Variants in KIAA1549L observed in about 807,000 individuals in gnomAD.
KIAA1549L encodes KIAA1549 like.
In KIAA1549L, 88 loss-of-function variants were observed where a neutral mutation model predicts 160.7. That is an observed-to-expected ratio of 0.55 (90% CI 0.46 to 0.65). The LOEUF (loss-of-function observed/expected upper bound fraction) is 0.65, where lower values mean the gene tolerates loss of function less well. Among genes scored for constraint, KIAA1549L ranks in the 30% least tolerant of loss-of-function variants. The pLI is 0.00. For missense variants in KIAA1549L, 2,258 were observed against 2,437.5 expected (o/e 0.93, Z 1.55); for synonymous variants, 950 against 976.7 (o/e 0.97, Z 0.51).
chr11:33,472,483 A>G (rs952432256), intron 1 of KIAA1549L, among the ~76,000 whole-genome samples: 2 of 152,024 alleles, frequency 1.3e-5, no homozygotes, highest in African/African-American at 4.8e-5. Flanking sequence ...AACAAAACCT[A>G]GCCATATGGC....
chr11:33,657,674 A>G (rs1268345353), intron 18 of KIAA1549L, among the ~76,000 whole-genome samples: 1 of 152,128 alleles, frequency 6.6e-6, no homozygotes, highest in Non-Finnish European at 1.5e-5. Context: ...GCATGCACCT[A>G]TAATCCCGGC....
At chr11:33,556,470 T>C (rs1854651610) in intron 6 of KIAA1549L, among the ~76,000 whole-genome samples, 1 of 152,240 alleles carries the variant, frequency 6.6e-6, no homozygotes. Flanking sequence ...GGAATATTAT[T>C]CAGCCTTTAA....
chr11:33,594,110 C>T (rs530640167), intron 12 of KIAA1549L, among the ~76,000 whole-genome samples: 5 of 151,970 alleles, frequency 3.3e-5, no homozygotes, highest in Admixed American at 2.6e-4. Flanking sequence ...AAGGAGGGAT[C>T]GTCTGTATCA....
intron 19 of KIAA1549L, 54 bp from the exon 20 acceptor site, chr11:33,660,809 G>A: frequency 6.3e-7 from 1 of 1,574,886 alleles, no homozygotes; most frequent in Non-Finnish European, 8.7e-7. Flanking sequence ...TTGGGTGGCT[G>A]GATCCCTCAG....
At chr11:33,624,742 T>A (rs1052497964) in intron 16 of KIAA1549L, among the ~76,000 whole-genome samples, 1 of 151,034 alleles carries the variant, frequency 6.6e-6, no homozygotes, top group African/African-American at 2.5e-5. Context: ...CTTTTTTTTT[T>A]TTTTAATTTT....
chr11:33,382,180 T>C (rs558154798), intron 1 of KIAA1549L, among the ~76,000 whole-genome samples: 68 of 152,042 alleles, frequency 4.5e-4, no homozygotes, highest in Non-Finnish European at 8.2e-4. Flanking sequence ...ACTGCAGCAT[T>C]CAGGGGTTCA....
chr11:33,495,114 TA>T (rs1402540619), intron 1 of KIAA1549L, among the ~76,000 whole-genome samples: 1 of 152,008 alleles, frequency 6.6e-6, no homozygotes, highest in African/African-American at 2.4e-5. Flanking sequence ...TTAATGTTTG[TA>T]TTTTTTTATT....
chr11:33,452,472 G>T (rs1190062351), intron 1 of KIAA1549L, among the ~76,000 whole-genome samples: 1 of 152,162 alleles, frequency 6.6e-6, no homozygotes, highest in East Asian at 1.9e-4. Flanking sequence ...GCCAGGCGTA[G>T]TGGCGGGCAG....
At chr11:33,541,172 T>C (rs919229236) in intron 1 of KIAA1549L, among the ~76,000 whole-genome samples, 6 of 152,186 alleles carry the variant, frequency 3.9e-5, no homozygotes, top group African/African-American at 9.7e-5. Flanking sequence ...CAGGTGCTTA[T>C]AGTGACACCA....
At chr11:33,454,916 C>T (rs946531327) in intron 1 of KIAA1549L, among the ~76,000 whole-genome samples, 1 of 151,890 alleles carries the variant, frequency 6.6e-6, no homozygotes, top group African/African-American at 2.4e-5. Flanking sequence ...GGTGAAACCC[C>T]GTCTCTACTA....
intron 8 of KIAA1549L, among the ~76,000 whole-genome samples, chr11:33,565,217 G>A (rs140288704): frequency 3.0e-4 from 45 of 152,258 alleles, no homozygotes; most frequent in Non-Finnish European, 5.4e-4. Flanking sequence ...GGGCTAGGGA[G>A]CCTGAGCCTG....
At chr11:33,553,840 TAAG>T (rs939696958) in intron 6 of KIAA1549L, among the ~76,000 whole-genome samples, 12 of 152,200 alleles carry the variant, frequency 7.9e-5, no homozygotes, top group African/African-American at 2.9e-4. Flanking sequence ...CCCTTGGCCT[TAAG>T]AAGCCTCCTT....
chr11:33,563,300 G>A (rs1156847972), intron 8 of KIAA1549L, among the ~76,000 whole-genome samples: 1 of 141,954 alleles, frequency 7.0e-6, no homozygotes, highest in East Asian at 2.1e-4. Flanking sequence ...AGTGAGTCAA[G>A]ATCATGCCAC....
chr11:33,567,062 G>C (rs1855072210), intron 8 of KIAA1549L, among the ~76,000 whole-genome samples: 1 of 152,198 alleles, frequency 6.6e-6, no homozygotes, highest in African/African-American at 2.4e-5. Flanking sequence ...TGCCCTGATA[G>C]TAAGTGAACA....
chr11:33,420,235 G>GTTTGTTTGTTTGTTTGTTTTTTTTTT (rs1554975227), intron 1 of KIAA1549L, among the ~76,000 whole-genome samples: 2 of 46,266 alleles, frequency 4.3e-5, no homozygotes, highest in African/African-American at 1.1e-4. Flanking sequence ...TTTTTTTTTT[G>GTTTGTTTGTTTGTTTGTTTTTTTTTT]TTTTTTTTTT....
chr11:33,551,052 G>A lies in KIAA1549L; in HGVS notation c.3514G>A (p.Glu1172Lys). Reference protein sequence around the residue: ...NDVSAHVDILEYSHNVTVGYY... With the variant: ...NDVSAHVDILKYSHNVTVGYY... ...ATTTGTTTTGTAGGTGGACATTCTGGAATATTCTCATAATGTCACAGTTGG... is the reference window on the plus strand; with the variant it reads ...ATTTGTTTTGTAGGTGGACATTCTGAAATATTCTCATAATGTCACAGTTGG... The change falls in exon 5 of 21, where the codon GAA becomes AAA. Residue 1172 changes from glutamate to lysine, a missense_variant. Glu to Lys is a moderately conservative substitution (Grantham distance 56). Around this residue, in one of 6 missense-constraint regions of KIAA1549L, gnomAD observed 1,359 missense variants for 1,546.6 expected, o/e 0.88. Coordinates refer to ENST00000658780, the MANE Select transcript of KIAA1549L (RefSeq NM_012194.3). 1 of 1,613,654 alleles carries A rather than the reference G, an allele frequency of 6.2e-7. No homozygotes were observed.
intron 9 of KIAA1549L, among the ~76,000 whole-genome samples, chr11:33,571,003 G>C (rs552473647): frequency 1.3e-5 from 2 of 152,200 alleles, no homozygotes; most frequent in African/African-American, 2.4e-5. Flanking sequence ...AATTCATCTC[G>C]ACCAGGCACA....
intron 4 of KIAA1549L, among the ~76,000 whole-genome samples, chr11:33,549,312 GGTT>G (rs1313432270): frequency 1.3e-5 from 2 of 152,198 alleles, no homozygotes; most frequent in African/African-American, 2.4e-5. Flanking sequence ...TCAGGCTAGA[GGTT>G]GTTGCTTGCA....
chr11:33,559,564 G>T (rs1854768424), intron 6 of KIAA1549L, among the ~76,000 whole-genome samples, 185 bp from the exon 7 acceptor site: 1 of 152,156 alleles, frequency 6.6e-6, no homozygotes, highest in African/African-American at 2.4e-5. Flanking sequence ...TTAGCACCCT[G>T]CCTGGCACAC....
Sources: gnomAD v4.1 joint callset for allele counts (sites outside exome capture counted in the v4.1 genomes callset) on GRCh38, gnomAD v4.1.1 for gene constraint, gnomAD v4.1.1 regional missense constraint, MANE v1.5 for transcripts, NCBI Gene and HGNC (gene_info 2026-07-23, HGNC 2026-07-21) for gene names.